SUPT3H: variants seen among roughly 807,000 people sequenced by gnomAD.
SUPT3H encodes SPT3 homolog, SAGA and STAGA complex component, also known as transcription initiation protein SPT3 homolog.
A neutral mutation model predicts 44.3 loss-of-function variants in SUPT3H; 44 were observed. The ratio of observed to expected loss-of-function variants is 0.99; its 90% CI spans 0.78 to 1.28. The LOEUF (loss-of-function observed/expected upper bound fraction) is 1.28, where lower values mean the gene tolerates loss of function less well. Ranked by LOEUF, SUPT3H falls within the 50% of genes most tolerant of loss-of-function variation. SUPT3H has a pLI of 0.00. For synonymous variants in SUPT3H, 124 were observed against 125.6 expected, an observed-to-expected ratio of 0.99 and a Z score of 0.09; for missense variants, 380 against 387.1, an observed-to-expected ratio of 0.98 and a Z score of 0.15.
At chr6:45,161,440 G>A (rs1168344835) in intron 2 of SUPT3H, among the ~76,000 whole-genome samples, 1 of 152,282 alleles carries the variant, frequency 6.6e-6, no homozygotes, top group East Asian at 1.9e-4. Flanking sequence ...TATAACAGAA[G>A]TCTCTTGAGA....
intron 3 of SUPT3H, among the ~76,000 whole-genome samples, chr6:45,022,503 G>A (rs1785306831): frequency 6.6e-6 from 1 of 150,968 alleles, no homozygotes; most frequent in Admixed American, 6.6e-5. Flanking sequence ...GTCGTATGTA[G>A]TAGGAAAAGT....
chr6:45,361,268 A>T (rs546979769), intron 2 of SUPT3H, among the ~76,000 whole-genome samples: 79 of 152,306 alleles, frequency 5.2e-4, no homozygotes, highest in African/African-American at 1.8e-3. Flanking sequence ...ATATAAAAGT[A>T]ACATGTAAAC....
chr6:45,307,594 C>T lies in SUPT3H; in HGVS notation c.101+57607G>A, dbSNP rs935144387. Reference sequence around the variant, plus strand: ...AAGGAAAACTAACAAACAGAAAGGACATTCACACCAAAACCCCATCTGTAC... The same window carrying T: ...AAGGAAAACTAACAAACAGAAAGGATATTCACACCAAAACCCCATCTGTAC... On this transcript the variant is annotated intron_variant, in intron 2 of 10. Coordinates refer to ENST00000371459, the MANE Select transcript of SUPT3H (RefSeq NM_003599.4). 4.6e-5 allele frequency among the ~76,000 whole-genome samples: 7 copies of T among 152,298 alleles called. 1 individual carries two copies. The East Asian group carries it at 1.3e-3, about 29-fold the overall frequency.
chr6:45,074,223 C>A (rs1794729970), intron 3 of SUPT3H, among the ~76,000 whole-genome samples: 3 of 151,732 alleles, frequency 2.0e-5, no homozygotes, highest in Admixed American at 2.0e-4. Flanking sequence ...TAAATATGGA[C>A]CACAAAATTA....
At chr6:45,252,009 G>C (rs948221054) in intron 2 of SUPT3H, among the ~76,000 whole-genome samples, 1 of 152,164 alleles carries the variant, frequency 6.6e-6, no homozygotes, top group Non-Finnish European at 1.5e-5. Context: ...AATGGGGTGA[G>C]GGAGTGGAAA....
chr6:44,864,987 C>A (rs1161542175), intron 10 of SUPT3H, among the ~76,000 whole-genome samples: 1 of 152,158 alleles, frequency 6.6e-6, no homozygotes. Context: ...AACCGAATGC[C>A]TTTAACACAC....
Position 45,020,558 on chromosome 6 carries a change from C to A in SUPT3H, c.261G>T (p.Met87Ile). 1 of 1,610,858 alleles carries A rather than the reference C, an allele frequency of 6.2e-7. No homozygotes were observed. The highest frequency in any genetic ancestry group is 8.5e-7 in the Non-Finnish European group (1 of 1,177,874). The change falls in exon 4 of 11, where the codon ATG (methionine) becomes ATT (isoleucine). Residue 87 changes from methionine (M) to isoleucine (I), a missense_variant. Met to Ile is a conservative substitution (Grantham distance 10). Transcript: ENST00000371459. ...TATGTTATATTACCTTATCTTTGCG[C>A]ATCAAAAACAGAAGATCTTCAGGAG... is the stretch of plus-strand genomic sequence containing the variant. ...VITPEDLLFL[M>I]RKDKKKLRRL...
chr6:45,067,652 G>A (rs1335302444), intron 3 of SUPT3H, among the ~76,000 whole-genome samples: 2 of 150,784 alleles, frequency 1.3e-5, no homozygotes, highest in Non-Finnish European at 3.0e-5. Flanking sequence ...AGTGGGCGAA[G>A]GACATGAACA....
chr6:44,843,939 A>G (rs909815390), intron 10 of SUPT3H, among the ~76,000 whole-genome samples: 1 of 150,852 alleles, frequency 6.6e-6, no homozygotes, highest in African/African-American at 2.5e-5. Flanking sequence ...ACACACACAC[A>G]CACACACACA....
At chr6:44,949,287 G>A (rs1582693371) in intron 9 of SUPT3H, among the ~76,000 whole-genome samples, 2 of 152,056 alleles carry the variant, frequency 1.3e-5, no homozygotes, top group South Asian at 2.1e-4. Context: ...CATACCTAGT[G>A]TAAATGACGA....
intron 2 of SUPT3H, among the ~76,000 whole-genome samples, chr6:45,144,823 T>A (rs1034262609): frequency 6.6e-6 from 1 of 152,102 alleles, no homozygotes; most frequent in Non-Finnish European, 1.5e-5. Flanking sequence ...AATTCAGTAG[T>A]TTCAGGATAC....
chr6:44,962,481 CCGCTTCCTTGGTAAGGAGAG>C (rs1489616573), intron 6 of SUPT3H, among the ~76,000 whole-genome samples: 1 of 152,000 alleles, frequency 6.6e-6, no homozygotes, highest in Admixed American at 6.6e-5. Flanking sequence ...ATGACCACTT[CCGCTTCCTTGGTAAGGAGAG>C]CATTTTGAAA....
intron 2 of SUPT3H, among the ~76,000 whole-genome samples, chr6:45,195,200 A>G (rs1815812809): frequency 6.6e-6 from 1 of 152,184 alleles, no homozygotes; most frequent in Non-Finnish European, 1.5e-5. Context: ...GATATATTAT[A>G]CAATGGTTTC....
At chr6:44,948,896 T>C (rs1332460614) in intron 9 of SUPT3H, among the ~76,000 whole-genome samples, 1 of 152,208 alleles carries the variant, frequency 6.6e-6, no homozygotes, top group Non-Finnish European at 1.5e-5. Context: ...ACTGGCTATA[T>C]ACCCAAAGGA....
chr6:44,843,927 G>GCA lies in SUPT3H; in HGVS notation c.913-14072_913-14071dup, dbSNP rs56329630. ...CAAACACACACACACACACACACAC[G>GCA]CACACACACACACACACACACACAC... On this transcript the variant is annotated intron_variant, in intron 10 of 10. Coordinates refer to ENST00000371459, the MANE Select transcript of SUPT3H (RefSeq NM_003599.4). 3.0e-3 allele frequency among the ~76,000 whole-genome samples: 439 copies of GCA among 148,100 alleles called. 5 individuals are homozygous for GCA. Among genetic ancestry groups the GCA allele is most frequent in the Middle Eastern group, 0.01 (3 of 288 alleles).
intron 10 of SUPT3H, among the ~76,000 whole-genome samples, chr6:44,840,634 G>A (rs13195378): frequency 0.014 from 2,143 of 152,282 alleles, 34 homozygotes; most frequent in Middle Eastern, 0.041. Context: ...AAGAGTGGAA[G>A]CTAATACAGA....
chr6:45,002,138 C>A (rs755770615), intron 6 of SUPT3H, among the ~76,000 whole-genome samples: 2 of 151,890 alleles, frequency 1.3e-5, no homozygotes, highest in African/African-American at 2.4e-5. Context: ...ATTTTATTAT[C>A]CTGGTTACCA....
At chr6:44,858,155 C>T (rs1774048909) in intron 10 of SUPT3H, among the ~76,000 whole-genome samples, 1 of 152,170 alleles carries the variant, frequency 6.6e-6, no homozygotes, top group African/African-American at 2.4e-5. Context: ...CTACACTACA[C>T]TACATTATAA....
At chr6:44,998,799 C>G (rs528204934) in intron 6 of SUPT3H, among the ~76,000 whole-genome samples, 1 of 151,764 alleles carries the variant, frequency 6.6e-6, no homozygotes, top group East Asian at 1.9e-4. Flanking sequence ...TTCCTGTCTT[C>G]TCTATTTTAT....
Sources: allele counts gnomAD v4.1 joint callset (sites outside exome capture counted in the v4.1 genomes callset), GRCh38; gene constraint gnomAD v4.1.1; transcripts MANE v1.5; gene names NCBI Gene and HGNC (gene_info 2026-07-23, HGNC 2026-07-21).